The following NBEA variants were observed in gnomAD, a reference collection of about 807,000 sequenced individuals.
The protein encoded by NBEA is neurobeachin.
In NBEA, 44 loss-of-function variants were observed where a neutral mutation model predicts 343.4. The observed-to-expected ratio is 0.13, with a 90% CI of 0.10 to 0.16. The LOEUF (loss-of-function observed/expected upper bound fraction) is 0.16. NBEA is among the 10% of genes least tolerant of loss of function. The pLI is 1.00. For missense variants in NBEA, 2,555 were observed against 3,631.3 expected (o/e 0.70, Z 7.62); for synonymous variants, 1,175 against 1,238.7 (o/e 0.95, Z 1.08).
At chr13:34,963,190 A>T (rs577579722) in intron 1 of NBEA, among the ~76,000 whole-genome samples, 9 of 152,120 alleles carry the variant, frequency 5.9e-5, no homozygotes, top group Non-Finnish European at 1.2e-4. Flanking sequence ...TGGGTGGCTT[A>T]AAAAATTGTA....
intron 36 of NBEA, among the ~76,000 whole-genome samples, chr13:35,345,902 G>A (rs1339120091): frequency 6.6e-6 from 1 of 152,098 alleles, no homozygotes; most frequent in Non-Finnish European, 1.5e-5. Flanking sequence ...GAGTTAATCA[G>A]TCAAAGAATT....
At chr13:35,425,639 C>G (rs548310157) in intron 38 of NBEA, among the ~76,000 whole-genome samples, 4 of 152,170 alleles carry the variant, frequency 2.6e-5, no homozygotes, top group Non-Finnish European at 4.4e-5. Flanking sequence ...TTGGGGTGGA[C>G]AGTTCTGTAG....
chr13:35,655,324 A>T (rs1395499008), intron 54 of NBEA, among the ~76,000 whole-genome samples: 1 of 152,162 alleles, frequency 6.6e-6, no homozygotes, highest in Admixed American at 6.5e-5. Context: ...TGATTGTGTT[A>T]TTTTATAAAG....
intron 41 of NBEA, among the ~76,000 whole-genome samples, chr13:35,537,453 C>A (rs2078615059): frequency 6.7e-6 from 1 of 150,356 alleles, no homozygotes. Context: ...AATAGAGATA[C>A]AGTAATGAGA....
chr13:35,051,270 C>T (rs561757090), intron 6 of NBEA, among the ~76,000 whole-genome samples: 1 of 152,108 alleles, frequency 6.6e-6, no homozygotes, highest in Admixed American at 6.6e-5. Context: ...ACACTGCCTC[C>T]TCCTAACAGA....
intron 34 of NBEA, among the ~76,000 whole-genome samples, chr13:35,267,828 TAA>T (rs1218003591): frequency 1.4e-5 from 2 of 140,616 alleles, no homozygotes; most frequent in Non-Finnish European, 1.6e-5. Context: ...GGGTACTATT[TAA>T]AAAAAAAAAA....
intron 41 of NBEA, among the ~76,000 whole-genome samples, chr13:35,487,964 A>T (rs2076362854): frequency 6.6e-6 from 1 of 151,910 alleles, no homozygotes; most frequent in African/African-American, 2.4e-5. Context: ...AACATGGGTC[A>T]CATGAGCTTT....
chr13:35,003,333 G>A (rs1593429533), intron 1 of NBEA, among the ~76,000 whole-genome samples: 1 of 152,220 alleles, frequency 6.6e-6, no homozygotes, highest in East Asian at 1.9e-4. Context: ...TCATGCCACT[G>A]CACTAGCCTG....
intron 41 of NBEA, among the ~76,000 whole-genome samples, chr13:35,473,532 G>C (rs2152959637): frequency 6.6e-6 from 1 of 152,296 alleles, no homozygotes; most frequent in African/African-American, 2.4e-5. Flanking sequence ...AAGGCCCATA[G>C]GTGATCAGCC....
intron 1 of NBEA, among the ~76,000 whole-genome samples, chr13:35,003,970 T>TC (rs997195198): frequency 2.0e-5 from 3 of 152,096 alleles, no homozygotes; most frequent in Non-Finnish European, 4.4e-5. Flanking sequence ...GTTGTTCCCC[T>TC]CCCTGTGTCC....
chr13:35,256,439 G>A (rs1352145112), intron 34 of NBEA, among the ~76,000 whole-genome samples: 1 of 152,154 alleles, frequency 6.6e-6, no homozygotes, highest in African/African-American at 2.4e-5. Flanking sequence ...TTCTCACTCT[G>A]GACTGCAGAC....
chr13:35,301,882 C>T (rs2036575184), intron 35 of NBEA, among the ~76,000 whole-genome samples: 1 of 152,172 alleles, frequency 6.6e-6, no homozygotes, highest in African/African-American at 2.4e-5. Flanking sequence ...GCCATTCTAA[C>T]TGGCATGAGA....
chr13:34,995,651 G>A (rs2060914845), intron 1 of NBEA, among the ~76,000 whole-genome samples: 1 of 152,134 alleles, frequency 6.6e-6, no homozygotes, highest in Non-Finnish European at 1.5e-5. Flanking sequence ...GCTAGGTGTT[G>A]TGTCTCACTT....
At chr13:35,611,642 G>A (rs1261780146) in intron 48 of NBEA, among the ~76,000 whole-genome samples, 6 of 152,140 alleles carry the variant, frequency 3.9e-5, no homozygotes, top group Non-Finnish European at 1.5e-5. Context: ...TGCCTTTTCT[G>A]TGTATTTCAT....
intron 1 of NBEA, among the ~76,000 whole-genome samples, chr13:34,973,845 G>A (rs964948133): frequency 3.9e-5 from 6 of 152,150 alleles, no homozygotes; most frequent in South Asian, 2.1e-4. Context: ...GGGTATGTAC[G>A]GAAGTCCAAC....
At chr13:35,015,583 G>A (rs1206258438) in intron 1 of NBEA, among the ~76,000 whole-genome samples, 1 of 151,726 alleles carries the variant, frequency 6.6e-6, no homozygotes, top group East Asian at 1.9e-4. Flanking sequence ...AGATAATATT[G>A]CATGATACAA....
chr13:35,148,971 T>G (rs1463695380), intron 18 of NBEA, among the ~76,000 whole-genome samples: 2 of 152,288 alleles, frequency 1.3e-5, no homozygotes, highest in Middle Eastern at 3.4e-3. Context: ...TACTTTTAAC[T>G]ACTTAATTTT....
At chr13:35,446,086 G>A (rs991230795) in intron 39 of NBEA, among the ~76,000 whole-genome samples, 6 of 151,186 alleles carry the variant, frequency 4.0e-5, no homozygotes, top group African/African-American at 7.3e-5. Flanking sequence ...TTGTCCTTAC[G>A]ATAGTTTGCT....
At chr13:35,439,764 GA>G (rs1162426833) in intron 39 of NBEA, among the ~76,000 whole-genome samples, 3 of 150,350 alleles carry the variant, frequency 2.0e-5, no homozygotes, top group East Asian at 1.9e-4. Flanking sequence ...TTGCATTTTA[GA>G]AAAAAAAAGA....
Sources: allele counts gnomAD v4.1 joint callset (sites outside exome capture counted in the v4.1 genomes callset), GRCh38; gene constraint gnomAD v4.1.1; transcripts MANE v1.5; gene names NCBI Gene and HGNC (gene_info 2026-07-23, HGNC 2026-07-21).